Variants in C8orf34 observed in about 807,000 individuals in gnomAD.
C8orf34 encodes chromosome 8 open reading frame 34.
C8orf34 carries 65 observed loss-of-function variants against 68.3 expected under a neutral mutation model. The observed-to-expected ratio is 0.95, with a 90% CI of 0.78 to 1.17. C8orf34 has a LOEUF of 1.17. C8orf34 is among the 50% of genes most tolerant of loss of function. The probability of loss-of-function intolerance (pLI) is 0.00; values close to 1 mark genes in which losing one functional copy is unlikely to be tolerated. For synonymous variants in C8orf34, 244 were observed against 241.2 expected, an observed-to-expected ratio of 1.01 and a Z score of -0.11; for missense variants, 664 against 655.4, an observed-to-expected ratio of 1.01 and a Z score of -0.14.
At chr8:68,625,366 T>C in intron 7 of C8orf34, 1 of 442,152 alleles carries the variant, frequency 2.3e-6, no homozygotes, top group Non-Finnish European at 4.0e-6. Context: ...AAATTCAAAA[T>C]ATGTATCTAA....
At chr8:68,432,780 G>T (rs139177845) in intron 1 of C8orf34, among the ~76,000 whole-genome samples, 2 of 152,210 alleles carry the variant, frequency 1.3e-5, no homozygotes, top group African/African-American at 4.8e-5. Flanking sequence ...AGAGATGTCT[G>T]TCCTGTTCTC....
At chr8:68,787,796 AG>A (rs1448015512) in intron 12 of C8orf34, among the ~76,000 whole-genome samples, 1 of 152,204 alleles carries the variant, frequency 6.6e-6, no homozygotes, top group Non-Finnish European at 1.5e-5. Flanking sequence ...TAGACTGTCT[AG>A]TTGGAATATG....
intron 8 of C8orf34, among the ~76,000 whole-genome samples, chr8:68,672,423 G>A (rs1009390482): frequency 1.3e-5 from 2 of 152,196 alleles, no homozygotes; most frequent in African/African-American, 4.8e-5. Flanking sequence ...CTTGGCAGTA[G>A]CCATGTGGCA....
At chr8:68,471,942 AC>A (rs1812396700) in intron 4 of C8orf34, among the ~76,000 whole-genome samples, 1 of 151,680 alleles carries the variant, frequency 6.6e-6, no homozygotes, top group Non-Finnish European at 1.5e-5. Flanking sequence ...ACACACACAC[AC>A]ACACACACAC....
intron 3 of C8orf34, among the ~76,000 whole-genome samples, chr8:68,453,265 C>T (rs1811419409): frequency 6.6e-6 from 1 of 151,640 alleles, no homozygotes; most frequent in Admixed American, 6.6e-5. Context: ...CTCTGAGTGC[C>T]CTGAAGTTCT....
At chr8:68,376,068 T>C (rs1466612907) in intron 1 of C8orf34, among the ~76,000 whole-genome samples, 1 of 152,106 alleles carries the variant, frequency 6.6e-6, no homozygotes, top group Non-Finnish European at 1.5e-5. Context: ...GTAAGGTCAA[T>C]GTCCCTGTCC....
At chr8:68,538,485 T>G (rs1314827486) in intron 7 of C8orf34, among the ~76,000 whole-genome samples, 1 of 152,068 alleles carries the variant, frequency 6.6e-6, no homozygotes, top group Non-Finnish European at 1.5e-5. Flanking sequence ...TTTTTCTTTT[T>G]GTCATGGCTA....
intron 10 of C8orf34, among the ~76,000 whole-genome samples, chr8:68,734,686 C>T (rs1440438180): frequency 1.3e-5 from 2 of 152,160 alleles, no homozygotes; most frequent in Non-Finnish European, 2.9e-5. Context: ...AAGCTGCACA[C>T]CATCCTTCAT....
At chr8:68,812,749 A>G (rs1481646276) in intron 12 of C8orf34, among the ~76,000 whole-genome samples, 2 of 152,186 alleles carry the variant, frequency 1.3e-5, no homozygotes, top group Non-Finnish European at 2.9e-5. Flanking sequence ...TGAATAAATG[A>G]ATAAATTTAG....
chr8:68,807,134 C>T (rs2129529787), intron 12 of C8orf34, among the ~76,000 whole-genome samples: 1 of 152,284 alleles, frequency 6.6e-6, no homozygotes, highest in South Asian at 2.1e-4. Context: ...GTGGAAAAGT[C>T]CTGTTCCTTA....
chr8:68,760,407 A>T (rs1822989211), intron 10 of C8orf34, among the ~76,000 whole-genome samples: 1 of 152,210 alleles, frequency 6.6e-6, no homozygotes, highest in Non-Finnish European at 1.5e-5. Context: ...ATACCTAATA[A>T]ATGAGTGTCA....
intron 8 of C8orf34, among the ~76,000 whole-genome samples, chr8:68,641,000 G>A (rs1818990848): frequency 2.6e-5 from 4 of 152,184 alleles, no homozygotes; most frequent in Admixed American, 6.5e-5. Flanking sequence ...TATACTGTAT[G>A]TGGCCAAAGA....
intron 3 of C8orf34, chr8:68,447,739 A>C (rs182038605): frequency 6.6e-6 from 1 of 152,216 alleles, no homozygotes; most frequent in Non-Finnish European, 1.5e-5. Context: ...TGGTACTCAT[A>C]AAAAGTATTG....
At chr8:68,524,116 A>G (rs1814875941) in intron 6 of C8orf34, among the ~76,000 whole-genome samples, 1 of 152,174 alleles carries the variant, frequency 6.6e-6, no homozygotes, top group South Asian at 2.1e-4. Context: ...TTGTGCATTA[A>G]GTCTTACTCA....
rs571830784 is a variant in C8orf34, at chr8:68,521,046, C to A, written c.766-753C>A. Among the ~76,000 whole-genome samples the A allele has an allele frequency of 4.6e-5, 7 of 152,168 alleles. No individual in the cohort carries two copies. The South Asian group carries it at 1.5e-3, about 32-fold the overall frequency. ...AAGCAGTTCTTTGCCTGTAGCAAGT[C>A]TTAATAAATATTAGAGAGTGAAGAA... On this transcript the variant is annotated intron_variant, in intron 5 of 13. Transcript: ENST00000518698.
At chr8:68,594,144 G>T (rs1322928696) in intron 7 of C8orf34, among the ~76,000 whole-genome samples, 3 of 152,028 alleles carry the variant, frequency 2.0e-5, no homozygotes, top group Non-Finnish European at 4.4e-5. Context: ...GTTAAACTGT[G>T]CCTGTCTCTG....
intron 7 of C8orf34, among the ~76,000 whole-genome samples, chr8:68,564,986 T>G (rs1816541717): frequency 6.6e-6 from 1 of 152,174 alleles, no homozygotes; most frequent in South Asian, 2.1e-4. Context: ...TGCCTGCCAT[T>G]TCCAGGCATC....
intron 7 of C8orf34, among the ~76,000 whole-genome samples, chr8:68,567,940 C>T (rs1816645456): frequency 1.3e-5 from 2 of 151,862 alleles, no homozygotes; most frequent in Admixed American, 1.3e-4. Context: ...ACATGCAACC[C>T]TTCCTTTCAC....
At chr8:68,335,024 T>C (rs1436585005) in intron 1 of C8orf34, among the ~76,000 whole-genome samples, 1 of 152,188 alleles carries the variant, frequency 6.6e-6, no homozygotes, top group African/African-American at 2.4e-5. Flanking sequence ...TAAAAAATGC[T>C]CCTTGCGTTT....
Sources: gnomAD v4.1 joint callset for allele counts (sites outside exome capture counted in the v4.1 genomes callset) on GRCh38, gnomAD v4.1.1 for gene constraint, MANE v1.5 for transcripts, NCBI Gene and HGNC (gene_info 2026-07-23, HGNC 2026-07-21) for gene names.